Variants in MED23 observed in about 807,000 individuals in gnomAD.
The protein encoded by MED23 is mediator of RNA polymerase II transcription subunit 23.
A neutral mutation model predicts 163.9 loss-of-function variants in MED23; 105 were observed. That is an observed-to-expected ratio of 0.64 (90% CI 0.55 to 0.75). The LOEUF is 0.75. MED23 is among the 30% of genes least tolerant of loss of function. MED23 has a pLI of 0.00. For synonymous variants in MED23, 561 were observed against 565.6 expected (o/e 0.99, Z 0.12); for missense variants, 1,054 against 1,649.0 (o/e 0.64, Z 6.25).
rs1476772224 is a variant in MED23 at position 131,593,027 on chromosome 6, A to G, written c.3377T>C (p.Leu1126Pro). The change falls in exon 24 of 29, where the codon CTT (leucine) becomes CCT (proline). Residue 1126 changes from leucine (L) to proline (P), a missense_variant. Coordinates refer to ENST00000368068, the MANE Select transcript of MED23 (RefSeq NM_004830.4). ...AVSGKEVGNA[L>P]LNVVLKSQPL... ...ATACCTTTTTAGGACAACATTTAGAAGGGCATTCCCAACTTCTTTGCCTGA... is the reference window on the plus strand; with the variant it reads ...ATACCTTTTTAGGACAACATTTAGAGGGGCATTCCCAACTTCTTTGCCTGA... 3 of 1,614,100 alleles carry G rather than the reference A, an allele frequency of 1.9e-6. No homozygotes were observed. The African/African-American group carries it at 4.0e-5, about 22-fold the overall frequency.
At chr6:131,592,565 A>C in intron 24 of MED23, 105 bp from the exon 25 acceptor site, 1 of 955,864 alleles carries the variant, frequency 1.0e-6, no homozygotes, top group East Asian at 2.5e-5. Context: ...GAGGATCGAC[A>C]ACTAATCCAT....
chr6:131,613,423 A>C (rs1169600427), intron 10 of MED23, among the ~76,000 whole-genome samples: 1 of 152,206 alleles, frequency 6.6e-6, no homozygotes, highest in Non-Finnish European at 1.5e-5. Context: ...AACAGCTCTT[A>C]AGGTTTCAAA....
chr6:131,585,886 T>C (rs998679076), downstream of MED23, among the ~76,000 whole-genome samples: 7 of 152,306 alleles, frequency 4.6e-5, no homozygotes, highest in African/African-American at 1.7e-4. Flanking sequence ...GAAAACTGAA[T>C]TTGTAATAAA....
chr6:131,594,798 T>G lies in MED23; in HGVS notation c.2996-463A>C, dbSNP rs973179021. Among the ~76,000 whole-genome samples the G allele has an allele frequency of 8.8e-4, 131 of 148,668 alleles. 3 individuals carry two copies. Among genetic ancestry groups the G allele is most frequent in the Non-Finnish European group, 5.2e-4 (35 of 66,888 alleles). On this transcript the variant is annotated intron_variant, in intron 22 of 28. Transcript: ENST00000368068. ...TTGAAACAAACAGGGTACAGAACACTTGTGTTAAAACAAACAAACAAACAA... is the reference window on the plus strand; with the variant it reads ...TTGAAACAAACAGGGTACAGAACACGTGTGTTAAAACAAACAAACAAACAA...
At chr6:131,589,860 TAAAC>T (rs769998145) in intron 27 of MED23, among the ~76,000 whole-genome samples, 1 of 152,224 alleles carries the variant, frequency 6.6e-6, no homozygotes, top group Non-Finnish European at 1.5e-5. Context: ...AATCAAGAGA[TAAAC>T]AATCCCCTTT....
At position 131,605,195 on chromosome 6, in the gene MED23, G is replaced by A. The variant is rs552319541; in HGVS notation, c.1613+45C>T. ...TGAAATAAAGGTTTATACTATACTC[G>A]TATCAATTCCCTGACATGGAACCAA... On this transcript the variant is annotated intron_variant, in intron 14 of 28. Coordinates refer to ENST00000368068, the MANE Select transcript of MED23 (RefSeq NM_004830.4). 4.4e-4 allele frequency: 694 copies of A among 1,592,602 alleles called. 13 individuals are homozygous for A. The South Asian group carries it at 7.1e-3, about 16-fold the overall frequency.
downstream of MED23, among the ~76,000 whole-genome samples, chr6:131,586,267 G>A (rs1454727389): frequency 1.3e-5 from 2 of 152,072 alleles, no homozygotes; most frequent in East Asian, 3.9e-4. Context: ...AGGCGTGGTG[G>A]CAGGCGCCTG....
intron 17 of MED23, among the ~76,000 whole-genome samples, chr6:131,600,507 A>C (rs951611753): frequency 6.6e-6 from 1 of 152,266 alleles, no homozygotes; most frequent in Non-Finnish European, 1.5e-5. Context: ...CCAAGGGAAC[A>C]GAATAAAGAA....
chr6:131,619,457 G>C (rs1776924635), intron 8 of MED23, among the ~76,000 whole-genome samples: 1 of 152,176 alleles, frequency 6.6e-6, no homozygotes, highest in Non-Finnish European at 1.5e-5. Flanking sequence ...AATTAGAATG[G>C]GCTGAGTGAG....
Position 131,615,860 on chromosome 6 carries a change from T to A in MED23, c.876+47A>T, listed in dbSNP as rs775285996. 3.7e-6 allele frequency: 5 copies of A among 1,360,312 alleles called. 1 individual carries two copies. In the Admixed American group the frequency reaches 8.4e-5, roughly 23 times the overall value. The allele number at this position is 1,360,312 out of a possible 1,614,324, so 84.3% of individuals were successfully genotyped here. On this transcript the variant is annotated intron_variant, in intron 10 of 28. Coordinates refer to ENST00000368068, the MANE Select transcript of MED23 (RefSeq NM_004830.4). ...TAGCAAAGAAAAGAGAAAAGAATAGTGCAGATTCTATGCAGAATTTACTAG... is the reference window on the plus strand; with the variant it reads ...TAGCAAAGAAAAGAGAAAAGAATAGAGCAGATTCTATGCAGAATTTACTAG...
intron 22 of MED23, 50 bp from the exon 23 acceptor site, chr6:131,594,385 C>A: frequency 7.5e-7 from 1 of 1,337,718 alleles, no homozygotes; most frequent in Non-Finnish European, 1.1e-6. Context: ...TTACTAATAA[C>A]TGTGAAAAAC....
rs1775875017 is a variant in MED23 at position 131,606,684 on chromosome 6, T to C, written c.1222-60A>G. On this transcript the variant is annotated intron_variant, in intron 12 of 28. Coordinates refer to ENST00000368068, the MANE Select transcript of MED23 (RefSeq NM_004830.4). ...AAGAAAGAGAAGAATTAAATAATTA[T>C]GTGTATTTTAGTAATCAATTTCTAA... The C allele has an allele frequency of 3.6e-6, 5 of 1,390,844 alleles. No individual in the cohort carries two copies. In the South Asian group the frequency reaches 6.1e-5, roughly 17 times the overall value. 86.2% of individuals were successfully genotyped at this position (1,390,844 alleles called of 1,614,324 possible). A position where few individuals can be genotyped will look rare whatever the true frequency, so the allele number is the denominator to read the frequency against.
intron 3 of MED23, among the ~76,000 whole-genome samples, chr6:131,626,156 A>ATCTCAAAC (rs910608861): frequency 6.6e-6 from 1 of 151,534 alleles, no homozygotes; most frequent in African/African-American, 2.4e-5. Context: ...GAAAAAGATA[A>ATCTCAAAC]TCTCAAACAC....
chr6:131,607,809 T>A, intron 12 of MED23, 119 bp downstream of exon 12: 1 of 1,139,234 alleles, frequency 8.8e-7, no homozygotes, highest in Non-Finnish European at 1.3e-6. Context: ...ACACTTAACA[T>A]TCAATTGTGA....
intron 10 of MED23, chr6:131,615,444 C>T: frequency 9.6e-7 from 1 of 1,039,888 alleles, no homozygotes; most frequent in Non-Finnish European, 1.4e-6. Flanking sequence ...CCTCAAGGAA[C>T]CCAGAGTCAG....
Position 131,586,831 on chromosome 6 carries a change from A to C in MED23, c.*848T>G, listed in dbSNP as rs1344413222. On this transcript the variant is annotated 3_prime_UTR_variant, in exon 29 of 29. Transcript: ENST00000368068. Reference sequence around the variant, plus strand: ...TCCCCCAAAATTAACAATGTCTCTCAAAATCCAAGAAATAAAATGTGTACT... The same window carrying C: ...TCCCCCAAAATTAACAATGTCTCTCCAAATCCAAGAAATAAAATGTGTACT... 1.7e-5 allele frequency: 26 copies of C among 1,515,434 alleles called. No homozygotes were observed. The highest frequency in any genetic ancestry group is 2.1e-5 in the Non-Finnish European group (24 of 1,120,930). 93.9% of individuals were successfully genotyped at this position (1,515,434 alleles called of 1,614,324 possible). A position where few individuals can be genotyped will look rare whatever the true frequency, so the allele number is the denominator to read the frequency against.
At position 131,628,166 on chromosome 6, in the gene MED23, G is replaced by C. The variant is rs1023227133; in HGVS notation, c.-117C>G. The C allele has an allele frequency of 8.3e-7, 1 of 1,201,052 alleles. No individual in the cohort carries two copies. Among genetic ancestry groups the C allele is most frequent in the Non-Finnish European group, 1.2e-6 (1 of 817,486 alleles). 74.4% of individuals were successfully genotyped at this position (1,201,052 alleles called of 1,614,324 possible). On this transcript the variant is annotated 5_prime_UTR_variant, in exon 1 of 29. Transcript: ENST00000368068. The stretch of plus-strand genomic sequence containing the variant: ...CTGGAGGAAACCGTAGCTCCTCGGC[G>C]TCGCTTCCTCCCCCAGCGCTTTACC...
rs1585577944 is a variant in MED23, at chr6:131,624,924, T to C, written c.225A>G (p.Arg75=). 1 of 1,613,894 alleles carries C rather than the reference T, an allele frequency of 6.2e-7. No individual in the cohort carries two copies. Among genetic ancestry groups the C allele is most frequent in the East Asian group, 2.2e-5 (1 of 44,852 alleles). ...CTAAGCAGTCATAAAGAAAAGAAAT[T>C]CTTTTAGGACTATGCTGACCATGAA... ...KFIHGQHSPK[R]ISFLYDCLAM... is the part of the protein sequence containing the mutation. Residue 75 remains arginine, a synonymous_variant, in exon 4 of 29, where the codon AGA becomes AGG. Coordinates refer to ENST00000368068, the MANE Select transcript of MED23 (RefSeq NM_004830.4).
rs765319764 is a variant in MED23 at position 131,593,134 on chromosome 6, A to G, written c.3270T>C (p.Cys1090=). Residue 1090 remains cysteine, a synonymous_variant, in exon 24 of 29, where the codon TGT becomes TGC. Coordinates refer to ENST00000368068, the MANE Select transcript of MED23 (RefSeq NM_004830.4). ...AGKSPGPFPN[C]DWRFNEFPNP... ...TGGGAAACTCATTGAATCTCCAGTC[A>G]CAGTTTGGAAAGGGACCAGGAGATT... 1.2e-6 allele frequency: 2 copies of G among 1,614,188 alleles called. No homozygotes were observed. The highest frequency in any genetic ancestry group is 4.5e-5 in the East Asian group (2 of 44,884).
Sources: allele counts gnomAD v4.1 joint callset (sites outside exome capture counted in the v4.1 genomes callset), GRCh38; gene constraint gnomAD v4.1.1; transcripts MANE v1.5; gene names NCBI Gene and HGNC (gene_info 2026-07-23, HGNC 2026-07-21).